The following MTFR1 variants were observed in gnomAD, a reference collection of about 807,000 sequenced individuals.
MTFR1 encodes the protein chondrocyte protein with a poly-proline region.
MTFR1 carries 28 observed loss-of-function variants against 38.8 expected under a neutral mutation model. The observed-to-expected ratio is 0.72, with a 90% CI of 0.53 to 0.99. The LOEUF is 0.99. Among genes scored for constraint, MTFR1 ranks in the 50% least tolerant of loss-of-function variants. MTFR1 has a pLI of 0.00. For missense variants in MTFR1, 358 were observed against 395.5 expected, an observed-to-expected ratio of 0.91 and a Z score of 0.81; for synonymous variants, 145 against 137.0, an observed-to-expected ratio of 1.06 and a Z score of -0.41.
At chr8:65,674,472 C>T (rs1299001764) in intron 2 of MTFR1, among the ~76,000 whole-genome samples, 7 of 151,744 alleles carry the variant, frequency 4.6e-5, no homozygotes, top group African/African-American at 1.7e-4. Flanking sequence ...ATTAGCCGGG[C>T]ATGGTGGTGT....
At chr8:65,705,063 T>C (rs554944392) in intron 5 of MTFR1, 134 bp downstream of exon 5, 81 of 765,328 alleles carry the variant, frequency 1.1e-4, no homozygotes, top group Admixed American at 3.7e-4. Context: ...CGGTGGCGCA[T>C]GCCTGTAATC....
chr8:65,659,061 G>A (rs1282278644), intron 1 of MTFR1, among the ~76,000 whole-genome samples: 3 of 152,058 alleles, frequency 2.0e-5, no homozygotes, highest in Non-Finnish European at 2.9e-5. Flanking sequence ...TACAGAGTTG[G>A]GGGATGTTTA....
At chr8:65,663,483 C>T (rs1288822108) in intron 1 of MTFR1, among the ~76,000 whole-genome samples, 2 of 149,642 alleles carry the variant, frequency 1.3e-5, no homozygotes, top group African/African-American at 4.9e-5. Context: ...TGTCCTGTGA[C>T]CCTGCCAAAT....
chr8:65,682,614 T>C (rs919756654), intron 3 of MTFR1, 163 bp downstream of exon 3: 1 of 492,570 alleles, frequency 2.0e-6, no homozygotes, highest in African/African-American at 2.1e-5. Context: ...GCCTTTCTAA[T>C]TTTAGTTTCT....
At chr8:65,728,894 T>C (rs1270157587) in intron 3 of MTFR1, among the ~76,000 whole-genome samples, 4 of 152,086 alleles carry the variant, frequency 2.6e-5, no homozygotes, top group African/African-American at 7.2e-5. Context: ...AATAGGAACA[T>C]GACAATAAGC....
At chr8:65,772,239 T>C (rs1351377679), downstream of MTFR1, among the ~76,000 whole-genome samples, 2 of 152,234 alleles carry the variant, frequency 1.3e-5, no homozygotes, top group African/African-American at 4.8e-5. Flanking sequence ...ATGAATTTAA[T>C]ACACATATCC....
intron 3 of MTFR1, among the ~76,000 whole-genome samples, chr8:65,741,289 G>A (rs969805996): frequency 5.3e-5 from 8 of 151,964 alleles, no homozygotes; most frequent in East Asian, 1.9e-4. Flanking sequence ...TAAAATACAC[G>A]ATTCTAGTAT....
intron 1 of MTFR1, among the ~76,000 whole-genome samples, chr8:65,663,242 T>C (rs140586692): frequency 0.031 from 4,711 of 152,226 alleles, 243 homozygotes; most frequent in African/African-American, 0.11. Flanking sequence ...CCCAACCCTG[T>C]GCTCTCTGAA....
At chr8:65,680,498 G>A (rs1804848068) in intron 2 of MTFR1, among the ~76,000 whole-genome samples, 1 of 152,142 alleles carries the variant, frequency 6.6e-6, no homozygotes, top group Admixed American at 6.5e-5. Context: ...TGTTATCCTT[G>A]AATTGGACTT....
At chr8:65,747,677 T>C (rs1405389307) in intron 3 of MTFR1, 1 of 1,610,006 alleles carries the variant, frequency 6.2e-7, no homozygotes, top group Non-Finnish European at 8.5e-7. Context: ...ATAATCATCA[T>C]CTAAAATGTT....
At chr8:65,719,828 A>G (rs1806299113) in intron 3 of MTFR1, 1 of 301,534 alleles carries the variant, frequency 3.3e-6, no homozygotes, top group African/African-American at 2.1e-5. Context: ...ATACTCGGGC[A>G]TAGCCCAATT....
At chr8:65,659,718 T>C (rs979971728) in intron 1 of MTFR1, among the ~76,000 whole-genome samples, 2 of 152,158 alleles carry the variant, frequency 1.3e-5, no homozygotes, top group Non-Finnish European at 2.9e-5. Context: ...AAAGAGAAAG[T>C]TGAGTTTGAG....
intron 2 of MTFR1, among the ~76,000 whole-genome samples, chr8:65,715,911 G>A (rs1237163516): frequency 1.4e-5 from 2 of 146,934 alleles, no homozygotes; most frequent in Non-Finnish European, 3.0e-5. Context: ...TGAGGAGAAT[G>A]GCGTGAACCC....
chr8:65,739,823 A>G (rs1807327667), intron 3 of MTFR1, among the ~76,000 whole-genome samples: 1 of 152,334 alleles, frequency 6.6e-6, no homozygotes, highest in South Asian at 2.1e-4. Context: ...CCACAACCAA[A>G]GAACTGAAAA....
chr8:65,730,652 G>A (rs1806845529), intron 3 of MTFR1, among the ~76,000 whole-genome samples: 1 of 152,168 alleles, frequency 6.6e-6, no homozygotes, highest in South Asian at 2.1e-4. Flanking sequence ...ACTAGGCTGG[G>A]CATGGTGGCT....
At position 65,693,561 on chromosome 8, in the gene MTFR1, C is replaced by T. The variant is rs186316891; in HGVS notation, c.166-83C>T. 7.3e-5 allele frequency: 80 copies of T among 1,093,328 alleles called. No individual in the cohort carries two copies. The African/African-American group carries it at 7.9e-4, about 11-fold the overall frequency. 67.7% of individuals were successfully genotyped at this position (1,093,328 alleles called of 1,614,324 possible). The stretch of plus-strand genomic sequence containing the variant: ...CATGTGTTTTTAACACCAGAGCTGA[C>T]GATTTTCCTTTAGGTGAGTAAAAAA... On this transcript the variant is annotated intron_variant, in intron 3 of 7. Coordinates refer to ENST00000262146, the MANE Select transcript of MTFR1 (RefSeq NM_014637.4).
chr8:65,658,112 A>T (rs1016062066), intron 1 of MTFR1, among the ~76,000 whole-genome samples: 6 of 152,164 alleles, frequency 3.9e-5, no homozygotes, highest in Non-Finnish European at 8.8e-5. Flanking sequence ...TATTTTCCCC[A>T]ACTCTAAAAT....
At chr8:65,737,435 T>A (rs1026761848) in intron 3 of MTFR1, among the ~76,000 whole-genome samples, 4 of 152,208 alleles carry the variant, frequency 2.6e-5, no homozygotes, top group African/African-American at 9.7e-5. Context: ...CAAAATTGTA[T>A]CTGTAGAGTC....
chr8:65,665,747 C>G (rs1389720018), intron 1 of MTFR1, among the ~76,000 whole-genome samples: 1 of 152,232 alleles, frequency 6.6e-6, no homozygotes, highest in Non-Finnish European at 1.5e-5. Flanking sequence ...CCTCAGCTTC[C>G]TGAGTAACTG....
Sources: allele counts gnomAD v4.1 joint callset (sites outside exome capture counted in the v4.1 genomes callset), GRCh38; gene constraint gnomAD v4.1.1; transcripts MANE v1.5; gene names NCBI Gene and HGNC (gene_info 2026-07-23, HGNC 2026-07-21).